Variants in KLHL6 observed in about 807,000 individuals in gnomAD.
KLHL6 encodes the protein kelch-like protein 6.
Under a neutral mutation model 58.6 loss-of-function variants are expected in KLHL6, and 41 were observed. The observed-to-expected ratio is 0.70, with a 90% confidence interval of 0.55 to 0.91. The LOEUF (loss-of-function observed/expected upper bound fraction) is 0.91. Among genes scored for constraint, KLHL6 ranks in the 40% least tolerant of loss-of-function variants. The pLI, the probability that KLHL6 is intolerant of heterozygous loss-of-function variation, is 0.00. For missense variants in KLHL6, 714 were observed against 805.6 expected (o/e 0.89, Z 1.38); for synonymous variants, 338 against 322.7 (o/e 1.05, Z -0.51).
At chr3:183,531,761 C>G (rs1712173446) in intron 1 of KLHL6, among the ~76,000 whole-genome samples, 1 of 152,126 alleles carries the variant, frequency 6.6e-6, no homozygotes, top group Non-Finnish European at 1.5e-5. Context: ...TTTCATATTT[C>G]TCCCTTTTGG....
At chr3:183,516,888 A>G (rs56296700) in intron 2 of KLHL6, among the ~76,000 whole-genome samples, 76,097 of 152,084 alleles carry the variant, frequency 0.5, 19,877 homozygotes, top group Non-Finnish European at 0.58. Flanking sequence ...TTTATTTCAA[A>G]GTATTTCTGA....
intron 2 of KLHL6, among the ~76,000 whole-genome samples, chr3:183,527,325 T>C (rs1712006441): frequency 1.3e-5 from 2 of 152,214 alleles, no homozygotes; most frequent in South Asian, 4.1e-4. Context: ...ATGAGTCAAG[T>C]GACTAGCAGG....
intron 2 of KLHL6, chr3:183,523,253 A>G (rs1445423765): frequency 6.6e-6 from 1 of 152,322 alleles, no homozygotes; most frequent in Non-Finnish European, 1.5e-5. Context: ...CAAGGAGCCA[A>G]CCCAGGCCAT....
chr3:183,527,903 T>A lies in KLHL6; in HGVS notation c.401A>T (p.Lys134Met). ...GACATTCTGCTTGGTGATCAGCGCC[T>A]TGCTGGTGTACGTGTAGTCCAACAG... ...HTLLDYTYTS[K>M]ALITKQNVQR... The change falls in exon 2 of 7, where the codon AAG (lysine) becomes ATG (methionine). Residue 134 changes from lysine to methionine, a missense_variant. This residue lies in a region of KLHL6 where 204 missense variants were observed against 175.9 expected (regional missense o/e 1.16). Coordinates refer to ENST00000341319, the MANE Select transcript of KLHL6 (RefSeq NM_130446.4). 1 of 1,614,052 alleles carries A rather than the reference T, an allele frequency of 6.2e-7. No individual in the cohort carries two copies. Among genetic ancestry groups the A allele is most frequent in the South Asian group, 1.1e-5 (1 of 91,078 alleles).
chr3:183,534,119 T>TAAAG (rs1712271333), intron 1 of KLHL6, among the ~76,000 whole-genome samples: 1 of 123,438 alleles, frequency 8.1e-6, no homozygotes, highest in African/African-American at 2.9e-5. Context: ...GTACTTTACT[T>TAAAG]TTAAAGTACT....
At chr3:183,520,385 A>T (rs541276652) in intron 2 of KLHL6, 15 of 152,192 alleles carry the variant, frequency 9.9e-5, no homozygotes, top group Non-Finnish European at 2.2e-4. Flanking sequence ...ACTTGTGGGT[A>T]TTTCTCATCA....
rs535741549 is a variant in KLHL6, at chr3:183,505,048, T to C, written c.909+3011A>G. On this transcript the variant is annotated intron_variant, in intron 3 of 6. Coordinates refer to ENST00000341319, the MANE Select transcript of KLHL6 (RefSeq NM_130446.4). ...CAAAAAACATGATTGCATTCTTTTC[T>C]ATGGCTGTGTAGTATTCCATGGGAG... Among the ~76,000 whole-genome samples the C allele has an allele frequency of 1.7e-3, 252 of 152,364 alleles. 1 individual carries two copies. Among genetic ancestry groups the C allele is most frequent in the Middle Eastern group, 6.8e-3 (2 of 294 alleles).
Position 183,492,513 on chromosome 3 carries a change from C to G in KLHL6, c.1545G>C (p.Arg515=). The G allele has an allele frequency of 6.2e-7, 1 of 1,614,216 alleles. No individual in the cohort carries two copies. The highest frequency in any genetic ancestry group is 8.5e-7 in the Non-Finnish European group (1 of 1,180,044). The change falls in exon 6 of 7, where the codon CGG becomes CGC. Residue 515 remains arginine, a synonymous_variant. Coordinates refer to ENST00000341319, the MANE Select transcript of KLHL6 (RefSeq NM_130446.4). The surrounding 1 kb of genome is among the most constrained non-coding windows in gnomAD (Gnocchi z 5.9). ...ACTCACCAACGACATAGATGCGGTC[C>G]CGGAAACTCACTGCATTGATGCATT... ...EAKCINAVSF[R]DRIYVVGGAM...
chr3:183,513,717 T>C (rs1349525753), intron 2 of KLHL6, among the ~76,000 whole-genome samples: 1 of 151,902 alleles, frequency 6.6e-6, no homozygotes, highest in Non-Finnish European at 1.5e-5. Context: ...TTCTTTTTTT[T>C]TATTTTACTT....
chr3:183,547,102 G>T (rs766768110), intron 1 of KLHL6, among the ~76,000 whole-genome samples: 2 of 151,874 alleles, frequency 1.3e-5, no homozygotes, highest in South Asian at 4.2e-4. Context: ...TAGTAGAGAC[G>T]GTGTTTCACC....
chr3:183,544,593 G>T (rs1712655741), intron 1 of KLHL6: 1 of 152,022 alleles, frequency 6.6e-6, no homozygotes, highest in South Asian at 2.1e-4. Flanking sequence ...CCTCTTTAGC[G>T]GACTTTATTT....
At chr3:183,500,502 T>C (rs1032869809) in intron 3 of KLHL6, among the ~76,000 whole-genome samples, 3 of 152,220 alleles carry the variant, frequency 2.0e-5, no homozygotes, top group African/African-American at 7.2e-5. Flanking sequence ...CTATCACCTA[T>C]GGCCATGTGA....
intron 2 of KLHL6, among the ~76,000 whole-genome samples, chr3:183,514,519 C>G (rs924257040): frequency 6.6e-6 from 1 of 152,002 alleles, no homozygotes. Context: ...ACTCCAGAGC[C>G]CAACTTTTTA....
At chr3:183,508,542 A>G (rs906608213) in intron 2 of KLHL6, 34 bp from the exon 3 acceptor site, 1 of 1,586,236 alleles carries the variant, frequency 6.3e-7, no homozygotes, top group Non-Finnish European at 8.6e-7. Context: ...AGGAGGCCAG[A>G]AAATGGTGAG....
chr3:183,499,658 A>C lies in KLHL6; in HGVS notation c.1079T>G (p.Leu360Arg). The change falls in exon 4 of 7, where the codon CTG becomes CGG. Residue 360 changes from leucine (L) to arginine (R), a missense_variant. By Grantham distance (102) the Leu-to-Arg change is moderately radical. This residue lies in a region of KLHL6 where 510 missense variants were observed against 629.7 expected (regional missense o/e 0.81). Coordinates refer to ENST00000341319, the MANE Select transcript of KLHL6 (RefSeq NM_130446.4). The surrounding 1 kb of genome is among the most constrained non-coding windows in gnomAD (Gnocchi z 4.6). ...VAKLPLTEHE[L>R]ESENKKWVEF... ...CACCCACTTCTTATTCTCACTCTCC[A>C]GCTCATGCTCTGTTAGCGGGAGCTT... 6.2e-7 allele frequency: 1 copy of C among 1,611,194 alleles called. No homozygotes were observed. Among genetic ancestry groups the C allele is most frequent in the Non-Finnish European group, 8.5e-7 (1 of 1,178,874 alleles).
intron 3 of KLHL6, among the ~76,000 whole-genome samples, chr3:183,507,124 G>T (rs887251929): frequency 6.6e-6 from 1 of 152,100 alleles, no homozygotes; most frequent in Admixed American, 6.5e-5. Flanking sequence ...ACGTAGGCAG[G>T]AAGTATGGGC....
At chr3:183,555,058 G>A (rs1365962612) in intron 1 of KLHL6, among the ~76,000 whole-genome samples, 1 of 151,980 alleles carries the variant, frequency 6.6e-6, no homozygotes, top group Admixed American at 6.6e-5. Flanking sequence ...CCAGCTACTC[G>A]GGAGGCTGAG....
rs1250592050 is a variant in KLHL6, at chr3:183,492,573, C to G, written c.1485G>C (p.Lys495Asn). The G allele has an allele frequency of 1.2e-6, 2 of 1,614,252 alleles. No homozygotes were observed. The highest frequency in any genetic ancestry group is 1.3e-5 in the African/African-American group (1 of 75,072). ...CGGGCATGGCCGCCTTCAAACTCCA[C>G]TTGTTGGTGGAAGGGTCATAACACT... ...KTQCYDPSTNKWSLKAAMPVE... is the reference protein window; with the variant it reads ...KTQCYDPSTNNWSLKAAMPVE... The change falls in exon 6 of 7, where the codon AAG becomes AAC. Residue 495 changes from lysine to asparagine, a missense_variant. By Grantham distance (94) the Lys-to-Asn change is moderately conservative (BLOSUM62 0). Transcript: ENST00000341319. This position sits in a 1 kb window ranked among gnomAD's most constrained non-coding sequence, Gnocchi z 5.9.
intron 1 of KLHL6, among the ~76,000 whole-genome samples, chr3:183,536,526 T>G (rs1443997151): frequency 6.6e-6 from 1 of 152,210 alleles, no homozygotes; most frequent in East Asian, 1.9e-4. Context: ...GTCTGACCTC[T>G]GATGCTCACT....
Sources: allele counts gnomAD v4.1 joint callset (sites outside exome capture counted in the v4.1 genomes callset), GRCh38; gene constraint gnomAD v4.1.1; regional missense constraint gnomAD v4.1.1; non-coding constraint Gnocchi (gnomAD v3.1); transcripts MANE v1.5; gene names NCBI Gene and HGNC (gene_info 2026-07-23, HGNC 2026-07-21).